FAM163A: variants seen among roughly 807,000 people sequenced by gnomAD.
FAM163A encodes family with sequence similarity 163 member A, also known as protein FAM163A.
A neutral mutation model predicts 12.0 loss-of-function variants in FAM163A; 7 were observed. The ratio of observed to expected loss-of-function variants is 0.58; its 90% CI spans 0.33 to 1.10. The LOEUF is 1.10. FAM163A is among the 50% of genes least tolerant of loss of function. The pLI is 0.03. For synonymous variants in FAM163A, 101 were observed against 91.0 expected, an observed-to-expected ratio of 1.11 and a Z score of -0.62; for missense variants, 202 against 218.6, an observed-to-expected ratio of 0.92 and a Z score of 0.48.
At chr1:179,750,817 C>T (rs145277640) in intron 1 of FAM163A, among the ~76,000 whole-genome samples, 6 of 152,264 alleles carry the variant, frequency 3.9e-5, no homozygotes, top group Admixed American at 1.3e-4. Context: ...TTAGCAGACT[C>T]CTGATGTAGT....
chr1:179,731,522 T>C, the FAM163A span, among the ~76,000 whole-genome samples: 1 of 152,224 alleles, frequency 6.6e-6, no homozygotes, highest in East Asian at 1.9e-4. Context: ...CCATAAGGCA[T>C]GAAATATGAA....
chr1:179,812,951 C>T (rs1297129102), intron 3 of FAM163A, 125 bp from the exon 4 acceptor site: 2 of 840,008 alleles, frequency 2.4e-6, no homozygotes, highest in Non-Finnish European at 1.9e-6. Context: ...GGGGCCTGGC[C>T]CTCCCGGCAC....
chr1:179,766,757 T>C (rs985256446), intron 1 of FAM163A, among the ~76,000 whole-genome samples: 4 of 151,746 alleles, frequency 2.6e-5, no homozygotes, highest in African/African-American at 4.9e-5. Flanking sequence ...TTCTTTCTTT[T>C]TTTTTTTTCG....
At chr1:179,768,200 A>G (rs1687766528) in intron 1 of FAM163A, among the ~76,000 whole-genome samples, 1 of 152,218 alleles carries the variant, frequency 6.6e-6, no homozygotes, top group South Asian at 2.1e-4. Context: ...ATTCCATTGT[A>G]TGGATATACC....
intron 3 of FAM163A, 92 bp from the exon 4 acceptor site, chr1:179,812,984 C>A: frequency 1.6e-6 from 2 of 1,240,846 alleles, no homozygotes; most frequent in South Asian, 2.8e-5. Context: ...GGCCCCCTGC[C>A]CCAGCCTCGG....
chr1:179,793,222 C>T (rs1017925059), intron 1 of FAM163A, among the ~76,000 whole-genome samples: 7 of 152,152 alleles, frequency 4.6e-5, no homozygotes, highest in Admixed American at 2.0e-4. Flanking sequence ...AGTGTTCCCA[C>T]GCCCTCTCTG....
chr1:179,729,441 CAG>C, the FAM163A span, among the ~76,000 whole-genome samples: 1 of 152,176 alleles, frequency 6.6e-6, no homozygotes, highest in East Asian at 1.9e-4. Context: ...AGTTCAATAA[CAG>C]AGCAAAGCAA....
intron 1 of FAM163A, among the ~76,000 whole-genome samples, chr1:179,789,461 C>T (rs1217490325): frequency 2.0e-5 from 3 of 152,236 alleles, no homozygotes; most frequent in African/African-American, 4.8e-5. Flanking sequence ...GGATTACAGG[C>T]GTGAGCCACC....
chr1:179,766,209 A>G (rs904442786), intron 1 of FAM163A, among the ~76,000 whole-genome samples: 1 of 152,218 alleles, frequency 6.6e-6, no homozygotes, highest in Admixed American at 6.5e-5. Context: ...TAGAAACCAG[A>G]ACCCCTTTTC....
At chr1:179,768,885 T>A (rs1571390874) in intron 1 of FAM163A, among the ~76,000 whole-genome samples, 1 of 152,144 alleles carries the variant, frequency 6.6e-6, no homozygotes, top group Admixed American at 6.5e-5. Flanking sequence ...ATTACAGGCG[T>A]GAGCCACTGC....
intron 1 of FAM163A, among the ~76,000 whole-genome samples, chr1:179,749,117 A>G (rs554639504): frequency 3.4e-4 from 52 of 152,242 alleles, no homozygotes; most frequent in Non-Finnish European, 6.3e-4. Context: ...GCTGGTGATG[A>G]GGATTCGAGT....
intron 1 of FAM163A, among the ~76,000 whole-genome samples, chr1:179,805,260 G>A (rs1351313604): frequency 6.6e-6 from 1 of 152,178 alleles, no homozygotes; most frequent in East Asian, 1.9e-4. Flanking sequence ...GCTCACGCCT[G>A]TAATCCTAGT....
chr1:179,787,877 C>A (rs145779185), intron 1 of FAM163A, among the ~76,000 whole-genome samples: 1 of 152,116 alleles, frequency 6.6e-6, no homozygotes, highest in African/African-American at 2.4e-5. Flanking sequence ...CACATTTAAC[C>A]CCCCAGCCTC....
chr1:179,747,341 C>A (rs1273100686), intron 1 of FAM163A, among the ~76,000 whole-genome samples: 1 of 152,198 alleles, frequency 6.6e-6, no homozygotes. Context: ...CTTCCAAGCA[C>A]CCATTTTTGC....
intron 2 of FAM163A, among the ~76,000 whole-genome samples, chr1:179,809,978 G>A: frequency 6.6e-6 from 1 of 152,178 alleles, no homozygotes; most frequent in South Asian, 2.1e-4. Context: ...TCTGCAGATG[G>A]GATTGAGCTG....
intron 1 of FAM163A, among the ~76,000 whole-genome samples, chr1:179,762,503 C>T (rs985779528): frequency 3.0e-4 from 45 of 152,190 alleles, no homozygotes; most frequent in Admixed American, 1.3e-4. Context: ...AATTTGCCTG[C>T]CTCACCCATG....
At chr1:179,774,300 A>T (rs897843362) in intron 1 of FAM163A, among the ~76,000 whole-genome samples, 3 of 152,330 alleles carry the variant, frequency 2.0e-5, no homozygotes, top group Admixed American at 2.0e-4. Context: ...GGTGTGCTGC[A>T]GGCAGCCAGG....
At chr1:179,737,083 A>T in the FAM163A span, among the ~76,000 whole-genome samples, 7 of 152,320 alleles carry the variant, frequency 4.6e-5, no homozygotes, top group African/African-American at 1.7e-4. Flanking sequence ...GCATTATCAC[A>T]ATAGCCAAGG....
At chr1:179,763,040 A>G (rs1687022293) in intron 1 of FAM163A, among the ~76,000 whole-genome samples, 1 of 152,232 alleles carries the variant, frequency 6.6e-6, no homozygotes, top group South Asian at 2.1e-4. Context: ...GTAAATCTCA[A>G]AGAGGCAGCT....
Sources: gnomAD v4.1 joint callset for allele counts (sites outside exome capture counted in the v4.1 genomes callset) on GRCh38, gnomAD v4.1.1 for gene constraint, MANE v1.5 for transcripts, NCBI Gene and HGNC (gene_info 2026-07-23, HGNC 2026-07-21) for gene names.